ANK2: variants seen among roughly 807,000 people sequenced by gnomAD.
The protein encoded by ANK2 is ankyrin-2.
In ANK2, 83 loss-of-function variants were observed where a neutral mutation model predicts 360.5. That is an observed-to-expected ratio of 0.23 (90% CI 0.19 to 0.28). ANK2 has a LOEUF of 0.28. Among genes scored for constraint, ANK2 ranks in the 10% least tolerant of loss-of-function variants. The pLI, the probability that ANK2 is intolerant of heterozygous loss-of-function variation, is 1.00. For missense variants in ANK2, 4,201 were observed against 4,795.7 expected (o/e 0.88, Z 3.66); for synonymous variants, 1,740 against 1,759.5 (o/e 0.99, Z 0.28).
chr4:112,855,805 G>A (rs576664526), intron 1 of ANK2, among the ~76,000 whole-genome samples: 102 of 152,312 alleles, frequency 6.7e-4, no homozygotes, highest in Non-Finnish European at 1.3e-3. Flanking sequence ...GGCTTGATGT[G>A]ATGGGGCAGC....
chr4:112,863,157 A>G lies in ANK2; in HGVS notation c.-39-41298A>G, dbSNP rs184519573. Among the ~76,000 whole-genome samples the G allele has an allele frequency of 8.5e-3, 1,301 of 152,234 alleles. 14 individuals carry two copies. The highest frequency in any genetic ancestry group is 0.03 in the African/African-American group (1,231 of 41,528). On this transcript the variant is annotated intron_variant, in intron 1 of 30. Coordinates refer to the ANK2 transcript ENST00000503271. Reference sequence around the variant, plus strand: ...TTTCTTTGAAAAAATGATTTCTAAGATATTTTAATTTAAGTTATAGTCAGT... The same window carrying G: ...TTTCTTTGAAAAAATGATTTCTAAGGTATTTTAATTTAAGTTATAGTCAGT...
intron 2 of ANK2, among the ~76,000 whole-genome samples, chr4:112,956,780 T>A (rs2095349659): frequency 6.6e-6 from 1 of 152,166 alleles, no homozygotes; most frequent in South Asian, 2.1e-4. Flanking sequence ...CCTAAAAGAT[T>A]CGTTAGAAAT....
intron 4 of ANK2, among the ~76,000 whole-genome samples, chr4:113,208,377 G>C (rs1324344954): frequency 6.6e-6 from 1 of 152,006 alleles, no homozygotes; most frequent in Admixed American, 6.5e-5. Flanking sequence ...AGCACTTGAT[G>C]ATGATGGCCT....
intron 1 of ANK2, among the ~76,000 whole-genome samples, chr4:112,851,365 T>A (rs2064950860): frequency 1.3e-5 from 2 of 151,740 alleles, no homozygotes; most frequent in African/African-American, 4.8e-5. Flanking sequence ...AGCGAGGAGG[T>A]GGAGTGAGAC....
At chr4:113,228,876 C>G (rs56306776) in intron 4 of ANK2, among the ~76,000 whole-genome samples, 55,654 of 152,056 alleles carry the variant, frequency 0.37, 11,220 homozygotes, top group Non-Finnish European at 0.46. Context: ...GTATCTCCTA[C>G]TTTGATGGGT....
chr4:112,734,647 T>C, the ANK2 span, among the ~76,000 whole-genome samples: 6 of 152,374 alleles, frequency 3.9e-5, no homozygotes, highest in African/African-American at 1.4e-4. Context: ...TGTATTCTTA[T>C]GCCACGTATA....
chr4:113,232,265 A>G lies in ANK2; in HGVS notation c.483+6A>G, dbSNP rs766589841. ...ATCAGAGCACTGCTACAGAGGTAAGACTGTCAGCCCTAAAGCCTTGAATTC... is the reference window on the plus strand; with the variant it reads ...ATCAGAGCACTGCTACAGAGGTAAGGCTGTCAGCCCTAAAGCCTTGAATTC... On this transcript the variant is annotated splice_donor_region_variant and intron_variant, in intron 5 of 45. Coordinates refer to ENST00000357077, the MANE Select transcript of ANK2 (RefSeq NM_001148.6). 6.4e-7 allele frequency: 1 copy of G among 1,552,682 alleles called. No individual in the cohort carries two copies. Among genetic ancestry groups the G allele is most frequent in the South Asian group, 1.1e-5 (1 of 89,742 alleles).
At chr4:112,977,293 A>G (rs1302104972) in intron 2 of ANK2, among the ~76,000 whole-genome samples, 2 of 152,172 alleles carry the variant, frequency 1.3e-5, no homozygotes, top group African/African-American at 4.8e-5. Flanking sequence ...TCTTTAAATA[A>G]TATTGTTGAA....
the ANK2 span, among the ~76,000 whole-genome samples, chr4:112,746,125 C>T: frequency 6.6e-6 from 1 of 152,042 alleles, no homozygotes; most frequent in East Asian, 1.9e-4. Context: ...AGTTCTTAGA[C>T]AGGATTACAT....
intron 1 of ANK2, among the ~76,000 whole-genome samples, chr4:113,153,092 T>C (rs1027286313): frequency 1.3e-5 from 2 of 152,170 alleles, no homozygotes; most frequent in Non-Finnish European, 2.9e-5. Flanking sequence ...TTCAGTCTTT[T>C]TTTTTTTCTG....
At chr4:112,809,813 TGA>T in the ANK2 span, among the ~76,000 whole-genome samples, 1 of 148,234 alleles carries the variant, frequency 6.7e-6, no homozygotes, top group Non-Finnish European at 1.5e-5. Flanking sequence ...CCAGCCTGGG[TGA>T]GAGTGAGAGC....
chr4:112,915,203 G>A (rs1208104935), intron 2 of ANK2, among the ~76,000 whole-genome samples: 2 of 151,988 alleles, frequency 1.3e-5, no homozygotes, highest in African/African-American at 4.8e-5. Flanking sequence ...ATTTTTTAGA[G>A]CAGGGATCTT....
intron 20 of ANK2, 84 bp from the exon 21 acceptor site, chr4:113,292,331 TA>T: frequency 3.3e-6 from 4 of 1,201,916 alleles, no homozygotes; most frequent in Non-Finnish European, 4.8e-6. Flanking sequence ...TTGTTGTAAA[TA>T]AGACTATTCA....
At chr4:112,826,707 C>A in intron 1 of ANK2, 1 of 834,548 alleles carries the variant, frequency 1.2e-6, no homozygotes, top group Non-Finnish European at 2.0e-6. Flanking sequence ...GAAGACAATG[C>A]CAGTGAACAC....
intron 2 of ANK2, among the ~76,000 whole-genome samples, chr4:113,185,642 T>A (rs2098506631): frequency 6.6e-6 from 1 of 152,220 alleles, no homozygotes; most frequent in Non-Finnish European, 1.5e-5. Flanking sequence ...TGCAAATTAT[T>A]TCCCCATTCT....
intron 14 of ANK2, among the ~76,000 whole-genome samples, chr4:113,270,138 G>A (rs941876352): frequency 2.6e-5 from 4 of 152,080 alleles, no homozygotes; most frequent in Admixed American, 1.3e-4. Context: ...TCTGACTATC[G>A]TATACTTTAC....
At chr4:112,826,361 G>T in intron 1 of ANK2, 1 of 963,934 alleles carries the variant, frequency 1.0e-6, no homozygotes, top group South Asian at 1.5e-5. Flanking sequence ...CAGTGACAAT[G>T]GTCTCACTGC....
intron 25 of ANK2, 37 bp downstream of exon 25, chr4:113,317,846 G>T: frequency 6.5e-7 from 1 of 1,532,826 alleles, no homozygotes; most frequent in South Asian, 1.1e-5. Flanking sequence ...TTGCTTTCTG[G>T]AGAGCTTTGT....
rs55917368 is a variant in ANK2, at chr4:113,382,019, A to G, written c.*548A>G. 3 of 261,192 alleles carry G rather than the reference A, an allele frequency of 1.1e-5. No individual in the cohort carries two copies. The highest frequency in any genetic ancestry group is 2.3e-5 in the Non-Finnish European group (3 of 130,620). The allele number at this position is 261,192 out of a possible 1,614,324, so 16.2% of individuals were successfully genotyped here. Reference sequence around the variant, plus strand: ...TCCTTCCAAGGAATATCTATGTACAATGTATATAGCTGAAATGCTCAGATG... The same window carrying G: ...TCCTTCCAAGGAATATCTATGTACAGTGTATATAGCTGAAATGCTCAGATG... On this transcript the variant is annotated 3_prime_UTR_variant, in exon 46 of 46. Transcript: ENST00000357077.
Sources: gnomAD v4.1 joint callset for allele counts (sites outside exome capture counted in the v4.1 genomes callset) on GRCh38, gnomAD v4.1.1 for gene constraint, MANE v1.5 for transcripts, NCBI Gene and HGNC (gene_info 2026-07-23, HGNC 2026-07-21) for gene names.